The following UTRN variants were observed in gnomAD, a reference collection of about 807,000 sequenced individuals.
UTRN encodes dystrophin-related protein 1.
A neutral mutation model predicts 463.9 loss-of-function variants in UTRN; 283 were observed. The ratio of observed to expected loss-of-function variants is 0.61; its 90% CI spans 0.55 to 0.67. The LOEUF is 0.67. Ranked by LOEUF, UTRN falls within the 30% of genes least tolerant of loss-of-function variation. The pLI is 0.00. For synonymous variants in UTRN, 1,442 were observed against 1,431.5 expected, an observed-to-expected ratio of 1.01 and a Z score of -0.17; for missense variants, 3,922 against 4,084.3, an observed-to-expected ratio of 0.96 and a Z score of 1.08.
At chr6:144,828,393 C>T (rs1780375017) in intron 68 of UTRN, among the ~76,000 whole-genome samples, 1 of 152,122 alleles carries the variant, frequency 6.6e-6, no homozygotes, top group Non-Finnish European at 1.5e-5. Flanking sequence ...AACCCAGCCA[C>T]TGAAGAGTTG....
At chr6:144,568,429 C>T (rs951330244) in intron 50 of UTRN, among the ~76,000 whole-genome samples, 24 of 152,072 alleles carry the variant, frequency 1.6e-4, no homozygotes, top group African/African-American at 5.8e-4. Flanking sequence ...AACAGCATTC[C>T]TTCCCTTGTA....
intron 52 of UTRN, among the ~76,000 whole-genome samples, chr6:144,688,242 C>A (rs1453789773): frequency 1.3e-5 from 2 of 152,016 alleles, no homozygotes; most frequent in African/African-American, 4.8e-5. Context: ...TTAAATCTAT[C>A]TCATTAGAAA....
At chr6:144,412,710 CTATA>C (rs1784005561) in intron 3 of UTRN, among the ~76,000 whole-genome samples, 1 of 146,054 alleles carries the variant, frequency 6.8e-6, no homozygotes, top group South Asian at 2.2e-4. Context: ...GGTATATACA[CTATA>C]TATGTTTGTG....
intron 54 of UTRN, among the ~76,000 whole-genome samples, chr6:144,744,340 G>A: frequency 7.6e-6 from 1 of 131,086 alleles, no homozygotes; most frequent in African/African-American, 2.7e-5. Context: ...GTGTGTGTGT[G>A]TGTGTGTGTG....
chr6:144,650,391 G>T (rs1778687377), intron 51 of UTRN, among the ~76,000 whole-genome samples: 2 of 152,140 alleles, frequency 1.3e-5, no homozygotes, highest in Admixed American at 6.5e-5. Context: ...TGTATATGTG[G>T]GTGTATTAAT....
chr6:144,489,265 G>C (rs1792794346), intron 30 of UTRN, among the ~76,000 whole-genome samples: 1 of 151,990 alleles, frequency 6.6e-6, no homozygotes, highest in East Asian at 1.9e-4. Flanking sequence ...TGGCCAGGCT[G>C]GTCTTGAACT....
chr6:144,403,246 G>T, intron 3 of UTRN, 62 bp downstream of exon 3: 1 of 1,483,092 alleles, frequency 6.7e-7, no homozygotes, highest in East Asian at 2.3e-5. Flanking sequence ...AAGGAGTTTG[G>T]TTGGAAGTGC....
chr6:144,534,296 G>T (rs73781911), intron 43 of UTRN, among the ~76,000 whole-genome samples: 3,119 of 152,254 alleles, frequency 0.02, 128 homozygotes, highest in African/African-American at 0.071. Context: ...TCACCTCTTA[G>T]GGGACTGTTA....
At chr6:144,570,010 G>T (rs1254005145) in intron 50 of UTRN, among the ~76,000 whole-genome samples, 1 of 152,188 alleles carries the variant, frequency 6.6e-6, no homozygotes, top group African/African-American at 2.4e-5. Context: ...GTCTAGTGGA[G>T]ACCCGTGTTG....
At chr6:144,616,893 C>T (rs1333079670) in intron 51 of UTRN, among the ~76,000 whole-genome samples, 1 of 152,178 alleles carries the variant, frequency 6.6e-6, no homozygotes, top group Non-Finnish European at 1.5e-5. Flanking sequence ...CGTTCTACCA[C>T]CTGGTGTAGA....
At chr6:144,419,057 G>A (rs1784606044) in intron 3 of UTRN, among the ~76,000 whole-genome samples, 1 of 152,094 alleles carries the variant, frequency 6.6e-6, no homozygotes, top group Admixed American at 6.5e-5. Context: ...AAGTGAATTC[G>A]GTTATTTGTT....
chr6:144,715,486 C>G (rs1786304307), intron 53 of UTRN, among the ~76,000 whole-genome samples: 2 of 152,158 alleles, frequency 1.3e-5, no homozygotes, highest in Admixed American at 1.3e-4. Context: ...CTGATCTGAC[C>G]TACCCCCTAC....
chr6:144,515,597 TA>T (rs1795546628), intron 37 of UTRN, among the ~76,000 whole-genome samples: 1 of 152,214 alleles, frequency 6.6e-6, no homozygotes, highest in Non-Finnish European at 1.5e-5. Flanking sequence ...TTTAGACATT[TA>T]ATTAACAGGG....
At chr6:144,382,946 T>C (rs1475426644) in intron 2 of UTRN, among the ~76,000 whole-genome samples, 1 of 152,190 alleles carries the variant, frequency 6.6e-6, no homozygotes, top group African/African-American at 2.4e-5. Flanking sequence ...TTATTTTCTT[T>C]TATGAGACAG....
chr6:144,799,497 C>T, intron 64 of UTRN: 1 of 471,536 alleles, frequency 2.1e-6, no homozygotes, highest in South Asian at 1.5e-5. Flanking sequence ...TTAAATGCAG[C>T]AGGGTTCTTG....
At chr6:144,595,318 A>G (rs569474844) in intron 51 of UTRN, among the ~76,000 whole-genome samples, 11 of 152,236 alleles carry the variant, frequency 7.2e-5, no homozygotes, top group Non-Finnish European at 1.0e-4. Flanking sequence ...AAAAACAACA[A>G]ATAACAATCA....
At chr6:144,331,522 G>A (rs187118774) in intron 2 of UTRN, among the ~76,000 whole-genome samples, 16 of 152,294 alleles carry the variant, frequency 1.1e-4, no homozygotes, top group Admixed American at 5.2e-4. Flanking sequence ...TAACCTTGGC[G>A]CTATTCCAAA....
chr6:144,433,310 G>C (rs1458883645), intron 9 of UTRN, among the ~76,000 whole-genome samples: 1 of 149,106 alleles, frequency 6.7e-6, no homozygotes, highest in African/African-American at 2.5e-5. Context: ...TGGCCGGGTG[G>C]GGGGCTGAAC....
At chr6:144,693,307 G>T (rs1783628551) in intron 52 of UTRN, among the ~76,000 whole-genome samples, 1 of 152,096 alleles carries the variant, frequency 6.6e-6, no homozygotes, top group African/African-American at 2.4e-5. Flanking sequence ...CTGTAGTATA[G>T]TCTGAAGTCA....
Sources: gnomAD v4.1 joint callset for allele counts (sites outside exome capture counted in the v4.1 genomes callset) on GRCh38, gnomAD v4.1.1 for gene constraint, MANE v1.5 for transcripts, NCBI Gene and HGNC (gene_info 2026-07-23, HGNC 2026-07-21) for gene names.